Variants in CCNJL observed in about 807,000 individuals in gnomAD.
CCNJL encodes cyclin-J-like protein.
A neutral mutation model predicts 33.4 loss-of-function variants in CCNJL; 33 were observed. The ratio of observed to expected loss-of-function variants is 0.99; its 90% CI spans 0.75 to 1.32. CCNJL has a LOEUF of 1.32. Among genes scored for constraint, CCNJL ranks in the 40% most tolerant of loss-of-function variants. The probability of loss-of-function intolerance (pLI) is 0.00; values close to 1 mark genes in which losing one functional copy is unlikely to be tolerated. For synonymous variants in CCNJL, 227 were observed against 220.9 expected, an observed-to-expected ratio of 1.03 and a Z score of -0.24; for missense variants, 512 against 499.7, an observed-to-expected ratio of 1.02 and a Z score of -0.23.
In CCNJL at chr5:160,259,503, C is replaced by T; in HGVS notation, c.549G>A (p.Glu183=). 6 of 1,614,044 alleles carry T rather than the reference C, an allele frequency of 3.7e-6. No homozygotes were observed. The highest frequency in any genetic ancestry group is 2.2e-5 in the South Asian group (2 of 91,054). ...CPRKTKECLK[E]YAHYFLEVTL... ...TGACCTCTAGGAAGTAATGGGCATA[C>T]TCCTTGAGGCACTCTTTGGTCTTGC... Residue 183 remains glutamate, a synonymous_variant, in exon 4 of 6, where the codon GAG becomes GAA. Transcript: ENST00000257536.
chr5:160,292,775 T>A (rs1038878282), intron 2 of CCNJL, among the ~76,000 whole-genome samples: 2 of 152,158 alleles, frequency 1.3e-5, no homozygotes, highest in Non-Finnish European at 2.9e-5. Flanking sequence ...ATTCCATGCA[T>A]CTTGTACTCT....
In CCNJL at chr5:160,312,006, C is replaced by A. The variant is rs749294801; in HGVS notation, c.-49-34G>T. The A allele has an allele frequency of 5.0e-6, 7 of 1,389,474 alleles. No individual in the cohort carries two copies. The East Asian group carries it at 1.4e-4, about 27-fold the overall frequency. The allele number at this position is 1,389,474 out of a possible 1,614,324, so 86.1% of individuals were successfully genotyped here. The stretch of plus-strand genomic sequence containing the variant: ...ACACGGGCAACTTCAGCGGCCAGAG[C>A]GTACCCCGGGCTCCGACCCCCGGTG... On this transcript the variant is annotated intron_variant, in intron 1 of 5. Coordinates refer to ENST00000257536, the MANE Select transcript of CCNJL (RefSeq NM_001308173.3).
intron 1 of CCNJL, among the ~76,000 whole-genome samples, chr5:160,326,098 A>G (rs1763532748): frequency 6.6e-6 from 1 of 152,188 alleles, no homozygotes. Context: ...GCAAGTATTT[A>G]TCCTGTCTTC....
chr5:160,321,437 C>T (rs958086335), intron 1 of CCNJL, among the ~76,000 whole-genome samples: 6 of 152,268 alleles, frequency 3.9e-5, no homozygotes, highest in African/African-American at 1.4e-4. Flanking sequence ...CTTGGGCCAC[C>T]TGGATGCCAC....
At chr5:160,324,035 G>A (rs1763506094) in intron 1 of CCNJL, among the ~76,000 whole-genome samples, 1 of 152,160 alleles carries the variant, frequency 6.6e-6, no homozygotes, top group Non-Finnish European at 1.5e-5. Flanking sequence ...TCTCCAGCTT[G>A]CCAACTACAG....
chr5:160,306,433 T>G (rs780880432), intron 2 of CCNJL, among the ~76,000 whole-genome samples: 5 of 152,006 alleles, frequency 3.3e-5, no homozygotes, highest in South Asian at 4.1e-4. Flanking sequence ...ATCACATGAC[T>G]CCCGTCTTGG....
intron 1 of CCNJL, among the ~76,000 whole-genome samples, chr5:160,331,316 C>T (rs541755409): frequency 3.0e-3 from 461 of 151,170 alleles, no homozygotes; most frequent in Non-Finnish European, 4.7e-3. Context: ...CTCTGCCTCC[C>T]GGGTTCACAC....
At chr5:160,334,883 C>T (rs969266994) in intron 1 of CCNJL, among the ~76,000 whole-genome samples, 4 of 152,230 alleles carry the variant, frequency 2.6e-5, no homozygotes, top group Admixed American at 6.5e-5. Context: ...ACTGCCCAGG[C>T]GGTGCTGCTG....
intron 2 of CCNJL, chr5:160,281,019 C>T (rs1762192761): frequency 4.0e-6 from 2 of 503,164 alleles, no homozygotes; most frequent in Non-Finnish European, 7.3e-6. Flanking sequence ...TACACAAGGC[C>T]ATAAAGGAAT....
At chr5:160,293,084 C>G (rs1762637817) in intron 2 of CCNJL, among the ~76,000 whole-genome samples, 1 of 152,210 alleles carries the variant, frequency 6.6e-6, no homozygotes. Context: ...TGTTCTAACC[C>G]TCCATGTGAT....
chr5:160,254,397 A>G, intron 5 of CCNJL: 1 of 629,276 alleles, frequency 1.6e-6, no homozygotes, highest in Non-Finnish European at 2.8e-6. Context: ...GGGAAAACAA[A>G]ACAATTAGAG....
chr5:160,258,298 G>A (rs932814917), intron 4 of CCNJL: 26 of 745,730 alleles, frequency 3.5e-5, no homozygotes, highest in Admixed American at 2.8e-4. Context: ...GTGGCTGGAT[G>A]GTATTCGAAA....
chr5:160,295,485 C>T (rs938510953), intron 2 of CCNJL, among the ~76,000 whole-genome samples: 11 of 152,022 alleles, frequency 7.2e-5, no homozygotes, highest in African/African-American at 2.7e-4. Context: ...GAGACTCTGT[C>T]TCAAATAAAT....
At chr5:160,303,964 G>A (rs1260133789) in intron 2 of CCNJL, among the ~76,000 whole-genome samples, 7 of 152,118 alleles carry the variant, frequency 4.6e-5, no homozygotes, top group Non-Finnish European at 7.4e-5. Context: ...AGCCAACCAG[G>A]GTGCCCAGCC....
At chr5:160,329,435 C>T (rs549285458) in intron 1 of CCNJL, among the ~76,000 whole-genome samples, 4 of 151,452 alleles carry the variant, frequency 2.6e-5, no homozygotes, top group Admixed American at 6.6e-5. Context: ...ACTGCAAGCT[C>T]CACCTCCCGG....
intron 1 of CCNJL, among the ~76,000 whole-genome samples, chr5:160,335,585 T>C (rs979684835): frequency 2.6e-5 from 4 of 151,908 alleles, no homozygotes; most frequent in East Asian, 3.9e-4. Context: ...TTTCTTTCTC[T>C]TTTTTTTGAG....
Position 160,253,675 on chromosome 5 carries a change from G to A in CCNJL, c.867C>T (p.Gly289=), listed in dbSNP as rs1393504093. Residue 289 remains glycine (G), a synonymous_variant, in exon 6 of 6, where the codon GGC becomes GGT. Coordinates refer to ENST00000257536, the MANE Select transcript of CCNJL (RefSeq NM_001308173.3). ...ACTGTGCCAGGGTGGTCGCTGGCTGGCCGAGGGCCGGGTAGGCTGGTGGCT... is the reference window on the plus strand; with the variant it reads ...ACTGTGCCAGGGTGGTCGCTGGCTGACCGAGGGCCGGGTAGGCTGGTGGCT... ...LFQPPAYPAL[G]QPATTLAQFQ... The A allele has an allele frequency of 6.2e-7, 1 of 1,608,708 alleles. No homozygotes were observed. The highest frequency in any genetic ancestry group is 8.5e-7 in the Non-Finnish European group (1 of 1,176,558).
At chr5:160,337,661 T>C (rs1763699826) in intron 1 of CCNJL, among the ~76,000 whole-genome samples, 1 of 152,134 alleles carries the variant, frequency 6.6e-6, no homozygotes, top group African/African-American at 2.4e-5. Context: ...TAGAGCTCCT[T>C]CCAACAAAAT....
chr5:160,297,979 G>A (rs1356444106), intron 2 of CCNJL, among the ~76,000 whole-genome samples: 1 of 152,166 alleles, frequency 6.6e-6, no homozygotes, highest in East Asian at 1.9e-4. Flanking sequence ...TGCTTGAGGG[G>A]AAGTCCATGT....
Sources: allele counts gnomAD v4.1 joint callset (sites outside exome capture counted in the v4.1 genomes callset), GRCh38; gene constraint gnomAD v4.1.1; transcripts MANE v1.5; gene names NCBI Gene and HGNC (gene_info 2026-07-23, HGNC 2026-07-21).